FGFR2: variants seen among roughly 807,000 people sequenced by gnomAD.
The protein encoded by FGFR2 is fibroblast growth factor receptor 2.
FGFR2 carries 19 observed loss-of-function variants against 95.9 expected under a neutral mutation model. The ratio of observed to expected loss-of-function variants is 0.20; its 90% CI spans 0.14 to 0.29. FGFR2 has a LOEUF of 0.29. Ranked by LOEUF, FGFR2 falls within the 10% of genes least tolerant of loss-of-function variation. The pLI, the probability that FGFR2 is intolerant of heterozygous loss-of-function variation, is 1.00. For synonymous variants in FGFR2, 392 were observed against 393.3 expected, an observed-to-expected ratio of 1.00 and a Z score of 0.04; for missense variants, 707 against 1,056.9, an observed-to-expected ratio of 0.67 and a Z score of 4.59.
At position 121,560,388 on chromosome 10, in the gene FGFR2, G is replaced by A. The variant is rs191021878; in HGVS notation, c.454+4114C>T. ...CCAGCACTTTGGGAGGCCGAGGCGAGCAGATCACGAGGTCAGGAGATCGAG... is the reference window on the plus strand; with the variant it reads ...CCAGCACTTTGGGAGGCCGAGGCGAACAGATCACGAGGTCAGGAGATCGAG... On this transcript the variant is annotated intron_variant, in intron 4 of 17. Coordinates refer to ENST00000358487, the MANE Select transcript of FGFR2 (RefSeq NM_000141.5). Among the ~76,000 whole-genome samples the A allele has an allele frequency of 1.2e-4, 19 of 152,182 alleles. No homozygotes were observed. In the East Asian group the frequency reaches 3.5e-3, roughly 28 times the overall value.
At chr10:121,559,113 A>G (rs78151391) in intron 4 of FGFR2, among the ~76,000 whole-genome samples, 1 of 126,378 alleles carries the variant, frequency 7.9e-6, no homozygotes, top group Admixed American at 7.9e-5. Context: ...CAAAAGGAGA[A>G]AAAAAAAAAA....
intron 2 of FGFR2, among the ~76,000 whole-genome samples, chr10:121,592,480 A>G (rs1043277822): frequency 6.6e-6 from 1 of 152,154 alleles, no homozygotes; most frequent in African/African-American, 2.4e-5. Flanking sequence ...TGTGTAACGA[A>G]AAGTTCCCCA....
intron 4 of FGFR2, among the ~76,000 whole-genome samples, chr10:121,554,541 CA>C (rs1172500813): frequency 1.2e-3 from 140 of 118,914 alleles, no homozygotes; most frequent in African/African-American, 6.9e-3. Flanking sequence ...TTAGTAGAGA[CA>C]GGGTTTCACC....
intron 2 of FGFR2, among the ~76,000 whole-genome samples, chr10:121,587,594 G>A (rs913215739): frequency 2.0e-5 from 3 of 151,682 alleles, no homozygotes; most frequent in Non-Finnish European, 4.4e-5. Flanking sequence ...GTAGACAAAG[G>A]ACATAGACAC....
intron 5 of FGFR2, among the ~76,000 whole-genome samples, chr10:121,541,338 C>T (rs1401025315): frequency 6.6e-6 from 1 of 152,212 alleles, no homozygotes; most frequent in Non-Finnish European, 1.5e-5. Flanking sequence ...AACAGTGGGA[C>T]TGCTGGACAC....
At chr10:121,569,437 G>C (rs552596430) in intron 2 of FGFR2, among the ~76,000 whole-genome samples, 1 of 152,084 alleles carries the variant, frequency 6.6e-6, no homozygotes, top group African/African-American at 2.4e-5. Flanking sequence ...GGCCATGCTG[G>C]TCTTGAACTC....
chr10:121,503,827 G>A lies in FGFR2; in HGVS notation c.1402C>T (p.Leu468Phe), dbSNP rs1847914092. Reference sequence around the variant, plus strand: ...AACTCCCATTTTGGGTCCTCTGGAAGTTCATACTCGGAGACCCCTGCCAGC... The same window carrying A: ...AACTCCCATTTTGGGTCCTCTGGAAATTCATACTCGGAGACCCCTGCCAGC... ...PMLAGVSEYELPEDPKWEFPR... is the reference protein window; with the variant it reads ...PMLAGVSEYEFPEDPKWEFPR... Residue 468 changes from leucine to phenylalanine, a missense_variant, in exon 10 of 18, where the codon CTT becomes TTT. Coordinates refer to ENST00000358487, the MANE Select transcript of FGFR2 (RefSeq NM_000141.5). The A allele has an allele frequency of 6.2e-7, 1 of 1,614,172 alleles. No homozygotes were observed. The highest frequency in any genetic ancestry group is 2.2e-5 in the East Asian group (1 of 44,878).
At position 121,552,400 on chromosome 10, in the gene FGFR2, A is replaced by G. The variant is rs41302319; in HGVS notation, c.455-941T>C. 8.7e-3 allele frequency among the ~76,000 whole-genome samples: 1,319 copies of G among 152,334 alleles called. 16 individuals carry two copies. Among genetic ancestry groups the G allele is most frequent in the African/African-American group, 0.031 (1,270 of 41,576 alleles). ...GCTCAAAGAGTTTTTACATGTCAAC[A>G]CATTAATCTTCACAATGCTTCAACA... On this transcript the variant is annotated intron_variant, in intron 4 of 17. Coordinates refer to ENST00000358487, the MANE Select transcript of FGFR2 (RefSeq NM_000141.5).
At chr10:121,559,499 G>A (rs1317959713) in intron 4 of FGFR2, among the ~76,000 whole-genome samples, 1 of 152,196 alleles carries the variant, frequency 6.6e-6, no homozygotes, top group Non-Finnish European at 1.5e-5. Flanking sequence ...AATCAGACCA[G>A]CCTAATCACA....
intron 14 of FGFR2, 64 bp from the exon 15 acceptor site, chr10:121,487,488 A>C: frequency 2.3e-6 from 3 of 1,332,168 alleles, no homozygotes; most frequent in Non-Finnish European, 3.2e-6. Context: ...TAGCAGGCTC[A>C]ATAGGGCTAT....
intron 13 of FGFR2, among the ~76,000 whole-genome samples, chr10:121,492,840 A>G (rs1368129786): frequency 6.6e-6 from 1 of 152,144 alleles, no homozygotes; most frequent in Non-Finnish European, 1.5e-5. Flanking sequence ...TTGGGCTGTT[A>G]TTCAATGTAG....
At chr10:121,563,537 T>C (rs1461027511) in intron 4 of FGFR2, among the ~76,000 whole-genome samples, 2 of 152,354 alleles carry the variant, frequency 1.3e-5, no homozygotes, top group South Asian at 2.1e-4. Flanking sequence ...AGGAACATTC[T>C]AGCCAAGTCA....
At chr10:121,575,198 G>A (rs1366783083) in intron 2 of FGFR2, among the ~76,000 whole-genome samples, 1 of 152,154 alleles carries the variant, frequency 6.6e-6, no homozygotes, top group East Asian at 1.9e-4. Flanking sequence ...CTTCATGTTT[G>A]AAAGAAATTA....
rs904279035 is a variant in FGFR2, at chr10:121,559,111, GAAA to G, written c.454+5388_454+5390del. 3.6e-4 allele frequency among the ~76,000 whole-genome samples: 20 copies of G among 55,236 alleles called. No individual in the cohort carries two copies. In the East Asian group the frequency reaches 9.3e-3, roughly 26 times the overall value. The allele number at this position is 55,236 out of a possible 152,430, so 36.2% of individuals were successfully genotyped here. A position where few individuals can be genotyped will look rare whatever the true frequency, so the allele number is the denominator to read the frequency against. ...TTTTCAATGTCTCAATCCAAAAGGA[GAAA>G]AAAAAAAAAAAAAAAAAAACTCAAA... On this transcript the variant is annotated intron_variant, in intron 4 of 17. Transcript: ENST00000358487.
In FGFR2 at chr10:121,531,331, G is replaced by C. The variant is rs563645875; in HGVS notation, c.748+7261C>G. The C allele has an allele frequency of 6.6e-6, 1 of 152,206 alleles. No homozygotes were observed. The highest frequency in any genetic ancestry group is 1.5e-5 in the Non-Finnish European group (1 of 68,048). 9.4% of individuals were successfully genotyped at this position (152,206 alleles called of 1,614,324 possible). On this transcript the variant is annotated intron_variant, in intron 6 of 17. Coordinates refer to ENST00000358487, the MANE Select transcript of FGFR2 (RefSeq NM_000141.5). The surrounding 1 kb of genome is among the most constrained non-coding windows in gnomAD (Gnocchi z 4.5). ...AGAGTCTGTATTTGCCAGTCAGTACGTTTGGAGTGATCTAGCTGCCACTAA... is the reference window on the plus strand; with the variant it reads ...AGAGTCTGTATTTGCCAGTCAGTACCTTTGGAGTGATCTAGCTGCCACTAA...
Position 121,479,995 on chromosome 10 carries a change from G to A in FGFR2, c.2328C>T (p.Leu776=), listed in dbSNP as rs148478597. Residue 776 remains leucine (L), a synonymous_variant, in exon 18 of 18, where the codon CTC becomes CTT. Transcript: ENST00000358487. ...CAGGGTAACTAGGTGAATACTGTTC[G>A]AGAGGTTGGCTGAGGTCCAAGTATT... ...NEEYLDLSQP[L]EQYSPSYPDT... The A allele has an allele frequency of 9.0e-5, 145 of 1,614,190 alleles. No individual in the cohort carries two copies. In the African/African-American group the frequency reaches 1.2e-3, roughly 13 times the overall value.
At chr10:121,523,057 T>C (rs1850788961) in intron 6 of FGFR2, among the ~76,000 whole-genome samples, 2 of 152,256 alleles carry the variant, frequency 1.3e-5, no homozygotes, top group African/African-American at 2.4e-5. Context: ...CTTTACTGCA[T>C]AAGCCTGTTG....
intron 2 of FGFR2, among the ~76,000 whole-genome samples, chr10:121,579,122 G>A (rs1390046134): frequency 6.6e-6 from 1 of 152,332 alleles, no homozygotes; most frequent in South Asian, 2.1e-4. Flanking sequence ...GAGCCTCAGA[G>A]TCATGCTTTA....
intron 9 of FGFR2, among the ~76,000 whole-genome samples, chr10:121,507,427 A>G (rs1042066691): frequency 2.6e-5 from 4 of 152,118 alleles, no homozygotes; most frequent in Admixed American, 2.6e-4. Context: ...GTCTCTACTA[A>G]AGATAGAAAA....
Sources: allele counts gnomAD v4.1 joint callset (sites outside exome capture counted in the v4.1 genomes callset), GRCh38; gene constraint gnomAD v4.1.1; non-coding constraint Gnocchi (gnomAD v3.1); transcripts MANE v1.5; gene names NCBI Gene and HGNC (gene_info 2026-07-23, HGNC 2026-07-21).